Variants in KCNMB2 observed in about 807,000 individuals in gnomAD.
KCNMB2 encodes the protein calcium-activated potassium channel subunit beta-2.
A neutral mutation model predicts 24.5 loss-of-function variants in KCNMB2; 9 were observed. The ratio of observed to expected loss-of-function variants is 0.37; its 90% CI spans 0.22 to 0.64. The LOEUF is 0.64. Ranked by LOEUF, KCNMB2 falls within the 30% of genes least tolerant of loss-of-function variation. The pLI is 0.63. For synonymous variants in KCNMB2, 109 were observed against 104.4 expected (o/e 1.04, Z -0.27); for missense variants, 226 against 284.3 (o/e 0.79, Z 1.47).
At chr3:178,562,549 A>G (rs1001415343) in intron 1 of KCNMB2, among the ~76,000 whole-genome samples, 8 of 152,228 alleles carry the variant, frequency 5.3e-5, no homozygotes, top group African/African-American at 1.7e-4. Context: ...TTTTCCTCCA[A>G]TTCTAAACTG....
At chr3:178,553,153 C>T (rs1216066878) in intron 1 of KCNMB2, among the ~76,000 whole-genome samples, 1 of 152,176 alleles carries the variant, frequency 6.6e-6, no homozygotes, top group African/African-American at 2.4e-5. Flanking sequence ...TCACCTGAAA[C>T]TTGAACTTCT....
At chr3:178,747,597 C>T (rs1392095306) in intron 1 of KCNMB2, among the ~76,000 whole-genome samples, 1 of 152,190 alleles carries the variant, frequency 6.6e-6, no homozygotes, top group East Asian at 1.9e-4. Flanking sequence ...TGCTGAAGAT[C>T]ACACAGCTAA....
chr3:178,597,586 AG>A (rs1577037470), intron 1 of KCNMB2, among the ~76,000 whole-genome samples: 2 of 152,190 alleles, frequency 1.3e-5, no homozygotes, highest in African/African-American at 4.8e-5. Flanking sequence ...ATGGGAACAA[AG>A]TCACACTGTC....
chr3:178,542,973 T>G (rs1209944245), intron 1 of KCNMB2, among the ~76,000 whole-genome samples: 1 of 152,196 alleles, frequency 6.6e-6, no homozygotes, highest in Admixed American at 6.5e-5. Context: ...TGCCCAGGTG[T>G]TAGCACCATG....
At chr3:178,769,353 C>T (rs946827207) in intron 1 of KCNMB2, among the ~76,000 whole-genome samples, 1 of 152,074 alleles carries the variant, frequency 6.6e-6, no homozygotes, top group Admixed American at 6.6e-5. Context: ...GTTCTTGCAC[C>T]AGGACAGGGT....
intron 1 of KCNMB2, among the ~76,000 whole-genome samples, chr3:178,685,395 A>G (rs1015847122): frequency 2.0e-5 from 3 of 152,188 alleles, no homozygotes; most frequent in Admixed American, 1.3e-4. Flanking sequence ...CTTTTTGATA[A>G]GATCTTTCAT....
At chr3:178,558,471 T>C (rs536027692) in intron 1 of KCNMB2, among the ~76,000 whole-genome samples, 52 of 152,362 alleles carry the variant, frequency 3.4e-4, no homozygotes, top group African/African-American at 1.2e-3. Flanking sequence ...ACAAGATGAA[T>C]AAGCTAGAAC....
chr3:178,831,713 A>G (rs1001703230), intron 4 of KCNMB2, among the ~76,000 whole-genome samples: 16 of 152,308 alleles, frequency 1.1e-4, no homozygotes, highest in African/African-American at 3.8e-4. Context: ...ACACATGGAC[A>G]TAATGAATGA....
chr3:178,651,484 G>T (rs760985392), intron 1 of KCNMB2, among the ~76,000 whole-genome samples: 12 of 152,110 alleles, frequency 7.9e-5, no homozygotes, highest in Non-Finnish European at 1.3e-4. Flanking sequence ...AGTTAAAATG[G>T]CCATACTGCC....
At position 178,843,079 on chromosome 3, in the gene KCNMB2, G is replaced by T. The variant is rs13078232; in HGVS notation, c.*142G>T. On this transcript the variant is annotated 3_prime_UTR_variant, in exon 5 of 5. Transcript: ENST00000452583. ...TTATATGTAGAGCAATAATGCAAAA[G>T]CTGTTCTATATGCAAACATGATGTC... 1 of 703,612 alleles carries T rather than the reference G, an allele frequency of 1.4e-6. No homozygotes were observed. 43.6% of individuals were successfully genotyped at this position (703,612 alleles called of 1,614,324 possible).
rs139482038 is a variant in KCNMB2 at position 178,800,600 on chromosome 3, G to A, written c.-67-6743G>A. On this transcript the variant is annotated intron_variant, in intron 1 of 4. Transcript: ENST00000452583. ...GGTGGGAATGTAAATTAGTACAACC[G>A]TTATGGAAAACAGTTTGGAGTTTCC... Among the ~76,000 whole-genome samples, 112 of 152,126 alleles carry A rather than the reference G, an allele frequency of 7.4e-4. 3 individuals are homozygous for A. In the East Asian group the frequency reaches 0.018, roughly 24 times the overall value.
intron 1 of KCNMB2, among the ~76,000 whole-genome samples, chr3:178,770,818 C>G (rs1274914314): frequency 6.6e-6 from 1 of 152,166 alleles, no homozygotes; most frequent in East Asian, 1.9e-4. Context: ...TTAGCTTCAC[C>G]TAAGAGAAGC....
At chr3:178,643,399 A>G (rs1165951674) in intron 1 of KCNMB2, among the ~76,000 whole-genome samples, 2 of 152,166 alleles carry the variant, frequency 1.3e-5, no homozygotes, top group African/African-American at 4.8e-5. Context: ...CTATATATAC[A>G]CACACATACA....
At chr3:178,599,768 C>T (rs1020828307) in intron 1 of KCNMB2, among the ~76,000 whole-genome samples, 4 of 152,212 alleles carry the variant, frequency 2.6e-5, no homozygotes, top group African/African-American at 9.6e-5. Flanking sequence ...TCGTTTCCCT[C>T]TCCTCTGCCA....
chr3:178,599,052 G>A (rs1289523112), intron 1 of KCNMB2, among the ~76,000 whole-genome samples: 2 of 152,102 alleles, frequency 1.3e-5, no homozygotes, highest in Non-Finnish European at 2.9e-5. Context: ...GTCAAGGTCA[G>A]TTTCGTGTTT....
intron 1 of KCNMB2, among the ~76,000 whole-genome samples, chr3:178,774,158 C>A (rs1327957171): frequency 1.3e-5 from 2 of 152,106 alleles, no homozygotes; most frequent in Non-Finnish European, 2.9e-5. Flanking sequence ...ACCTTTATGG[C>A]TTAATCTCCT....
intron 1 of KCNMB2, among the ~76,000 whole-genome samples, chr3:178,552,066 T>A (rs1437071457): frequency 6.6e-6 from 1 of 152,210 alleles, no homozygotes; most frequent in African/African-American, 2.4e-5. Context: ...CACAAACGTC[T>A]GGGGCAGCTA....
chr3:178,746,622 T>G (rs1216507943), intron 1 of KCNMB2, among the ~76,000 whole-genome samples: 1 of 152,220 alleles, frequency 6.6e-6, no homozygotes, highest in Non-Finnish European at 1.5e-5. Context: ...CAAACTTCTA[T>G]GCTCTGCTCC....
At chr3:178,779,371 G>T (rs1712728139) in intron 1 of KCNMB2, among the ~76,000 whole-genome samples, 1 of 152,174 alleles carries the variant, frequency 6.6e-6, no homozygotes, top group Non-Finnish European at 1.5e-5. Flanking sequence ...TTTACTTAGA[G>T]ATGATGGGAA....
Sources: gnomAD v4.1 joint callset for allele counts (sites outside exome capture counted in the v4.1 genomes callset) on GRCh38, gnomAD v4.1.1 for gene constraint, MANE v1.5 for transcripts, NCBI Gene and HGNC (gene_info 2026-07-23, HGNC 2026-07-21) for gene names.